GARNL3: variants seen among roughly 807,000 people sequenced by gnomAD.
GARNL3 encodes the protein GTPase-activating Rap/Ran-GAP domain-like protein 3.
GARNL3 carries 63 observed loss-of-function variants against 125.0 expected under a neutral mutation model. That is an observed-to-expected ratio of 0.50 (90% CI 0.41 to 0.62). The LOEUF (loss-of-function observed/expected upper bound fraction) is 0.62. Ranked by LOEUF, GARNL3 falls within the 20% of genes least tolerant of loss-of-function variation. GARNL3 has a pLI of 0.00. For missense variants in GARNL3, 994 were observed against 1,244.0 expected (o/e 0.80, Z 3.02); for synonymous variants, 439 against 457.5 (o/e 0.96, Z 0.52).
chr9:127,389,611 T>C (rs921138700), intron 26 of GARNL3, among the ~76,000 whole-genome samples: 1 of 152,114 alleles, frequency 6.6e-6, no homozygotes, highest in Non-Finnish European at 1.5e-5. Context: ...ATGCAAGATA[T>C]GTGTTGAGCT....
chr9:127,380,061 C>T (rs1832159115), intron 22 of GARNL3, among the ~76,000 whole-genome samples: 1 of 152,108 alleles, frequency 6.6e-6, no homozygotes, highest in South Asian at 2.1e-4. Context: ...ACGCCTTAGT[C>T]CCAGCTACTC....
At chr9:127,291,613 A>G (rs1438963363) in intron 2 of GARNL3, among the ~76,000 whole-genome samples, 1 of 152,114 alleles carries the variant, frequency 6.6e-6, no homozygotes, top group Non-Finnish European at 1.5e-5. Context: ...AATTACTGCA[A>G]TGACAAAATG....
chr9:127,344,693 C>G (rs1379307655), intron 15 of GARNL3, among the ~76,000 whole-genome samples: 1 of 152,174 alleles, frequency 6.6e-6, no homozygotes, highest in East Asian at 1.9e-4. Flanking sequence ...CCCTTAAACC[C>G]ATGACTGGCA....
intron 9 of GARNL3, 94 bp from the exon 10 acceptor site, chr9:127,335,136 C>G: frequency 1.2e-6 from 1 of 850,624 alleles, no homozygotes; most frequent in Non-Finnish European, 2.0e-6. Context: ...TGGAGAATGT[C>G]CTGTATACAG....
At chr9:127,255,160 AGG>A (rs1308569490) in intron 2 of GARNL3, among the ~76,000 whole-genome samples, 1 of 152,236 alleles carries the variant, frequency 6.6e-6, no homozygotes, top group Non-Finnish European at 1.5e-5. Flanking sequence ...TATGGAATCT[AGG>A]GATATGATTG....
intron 1 of GARNL3, among the ~76,000 whole-genome samples, chr9:127,240,277 G>A (rs1301102067): frequency 1.3e-5 from 2 of 152,200 alleles, no homozygotes; most frequent in African/African-American, 4.8e-5. Flanking sequence ...GGTGCCCTCA[G>A]GTCCCTTTAC....
chr9:127,302,676 T>C (rs546205082), intron 2 of GARNL3, among the ~76,000 whole-genome samples: 128 of 152,314 alleles, frequency 8.4e-4, no homozygotes, highest in African/African-American at 2.9e-3. Flanking sequence ...TTCTGGAGAA[T>C]GGAAATGGGA....
intron 1 of GARNL3, among the ~76,000 whole-genome samples, 184 bp from the exon 2 acceptor site, chr9:127,290,984 G>T (rs900504928): frequency 7.2e-5 from 11 of 152,086 alleles, no homozygotes; most frequent in Non-Finnish European, 1.2e-4. Context: ...TTACTCTTGG[G>T]TTCCCAAGGA....
In GARNL3 at chr9:127,390,785, C is replaced by T. The variant is rs373062116; in HGVS notation, c.2870+18C>T. The T allele has an allele frequency of 7.2e-5, 116 of 1,609,642 alleles. 2 individuals are homozygous for T. The African/African-American group carries it at 1.2e-3, about 16-fold the overall frequency. On this transcript the variant is annotated intron_variant, in intron 27 of 27. Transcript: ENST00000373387. ...AGTGACAGGTAAAGAGAGGGAGAGG[C>T]CCCTGCTTGGGGTGGTGGACCTATG...
chr9:127,331,765 A>G (rs1456244221), intron 7 of GARNL3, among the ~76,000 whole-genome samples: 1 of 113,666 alleles, frequency 8.8e-6, no homozygotes, highest in Non-Finnish European at 1.8e-5. Flanking sequence ...CTTCAGATTG[A>G]ATATCTTTAG....
At chr9:127,269,554 T>A (rs2063772381) in intron 1 of GARNL3, among the ~76,000 whole-genome samples, 1 of 152,262 alleles carries the variant, frequency 6.6e-6, no homozygotes. Context: ...AAAGTTTCTA[T>A]TTCTCCACAA....
chr9:127,375,398 A>C (rs1831842260), intron 22 of GARNL3, among the ~76,000 whole-genome samples: 1 of 151,282 alleles, frequency 6.6e-6, no homozygotes, highest in Admixed American at 6.6e-5. Context: ...CCCGGGAGGC[A>C]GAGGTTGCAG....
At chr9:127,271,837 A>T (rs1242810497) in intron 1 of GARNL3, among the ~76,000 whole-genome samples, 2 of 150,406 alleles carry the variant, frequency 1.3e-5, no homozygotes, top group Non-Finnish European at 2.9e-5. Flanking sequence ...TCAAGTCAGG[A>T]TAAAACAAGG....
upstream of GARNL3, among the ~76,000 whole-genome samples, chr9:127,261,880 G>C (rs749352387): frequency 5.3e-5 from 8 of 152,074 alleles, no homozygotes; most frequent in Non-Finnish European, 1.0e-4. Context: ...TGCTTGAAAC[G>C]CCTCCAATTC....
At chr9:127,251,763 T>C (rs751615451) in intron 2 of GARNL3, among the ~76,000 whole-genome samples, 6 of 152,210 alleles carry the variant, frequency 3.9e-5, no homozygotes, top group Non-Finnish European at 8.8e-5. Context: ...CACCCCAAGA[T>C]ACACCACTTT....
At chr9:127,321,818 G>T (rs1318468534) in intron 6 of GARNL3, among the ~76,000 whole-genome samples, 11 of 152,190 alleles carry the variant, frequency 7.2e-5, no homozygotes, top group Admixed American at 7.2e-4. Flanking sequence ...GCAGCAGGGA[G>T]CCAGTAGAAC....
intron 20 of GARNL3, among the ~76,000 whole-genome samples, chr9:127,356,006 T>G (rs963819659): frequency 1.3e-5 from 2 of 152,026 alleles, no homozygotes; most frequent in Non-Finnish European, 2.9e-5. Flanking sequence ...TGAGGTCCTG[T>G]TGAAGGCACA....
chr9:127,331,680 G>T (rs536506967), intron 7 of GARNL3, among the ~76,000 whole-genome samples: 2 of 136,938 alleles, frequency 1.5e-5, no homozygotes, highest in Admixed American at 7.7e-5. Flanking sequence ...ATGGTAGATT[G>T]CACATTTGTA....
intron 22 of GARNL3, among the ~76,000 whole-genome samples, chr9:127,381,777 T>G (rs1025884693): frequency 4.0e-5 from 6 of 151,270 alleles, no homozygotes; most frequent in African/African-American, 1.5e-4. Context: ...TTTTTTTTTT[T>G]TGTATTTTTA....
Sources: gnomAD v4.1 joint callset for allele counts (sites outside exome capture counted in the v4.1 genomes callset) on GRCh38, gnomAD v4.1.1 for gene constraint, MANE v1.5 for transcripts, NCBI Gene and HGNC (gene_info 2026-07-23, HGNC 2026-07-21) for gene names.